The following EYS variants were observed in gnomAD, a reference collection of about 807,000 sequenced individuals.
The protein encoded by EYS is EGF-like photoreceptor maintenance factor.
EYS carries 250 observed loss-of-function variants against 282.1 expected under a neutral mutation model. The ratio of observed to expected loss-of-function variants is 0.89; its 90% CI spans 0.80 to 0.98. The LOEUF (loss-of-function observed/expected upper bound fraction) is 0.98, where lower values mean the gene tolerates loss of function less well. Among genes scored for constraint, EYS ranks in the 50% least tolerant of loss-of-function variants. EYS has a pLI of 0.00. For missense variants in EYS, 4,016 were observed against 3,709.0 expected (o/e 1.08, Z -2.15); for synonymous variants, 1,355 against 1,282.9 (o/e 1.06, Z -1.20).
intron 30 of EYS, among the ~76,000 whole-genome samples, chr6:64,290,824 A>G (rs1768677976): frequency 6.6e-6 from 1 of 151,360 alleles, no homozygotes; most frequent in Non-Finnish European, 1.5e-5. Context: ...CAAGATATTG[A>G]CAAACTTTTT....
intron 22 of EYS, among the ~76,000 whole-genome samples, chr6:64,781,430 A>C (rs796875745): frequency 7.2e-5 from 11 of 152,062 alleles, no homozygotes; most frequent in African/African-American, 2.4e-4. Flanking sequence ...AATGACACTT[A>C]TGGCCGGGCG....
chr6:63,901,248 T>C (rs891500563), intron 35 of EYS, among the ~76,000 whole-genome samples: 3 of 152,026 alleles, frequency 2.0e-5, no homozygotes, highest in African/African-American at 7.2e-5. Context: ...AAATAAAAAA[T>C]GCACCAGAGG....
chr6:64,578,564 T>G (rs551566002), intron 26 of EYS, among the ~76,000 whole-genome samples: 5 of 151,866 alleles, frequency 3.3e-5, no homozygotes, highest in Admixed American at 3.3e-4. Context: ...TACTTCTACT[T>G]TTTCTTTTAT....
chr6:64,066,527 A>C (rs991801927), intron 32 of EYS, 36 bp from the exon 33 acceptor site: 4 of 1,328,516 alleles, frequency 3.0e-6, no homozygotes, highest in Non-Finnish European at 4.2e-6. Context: ...TAATTATTGT[A>C]GATTTATATT....
At chr6:65,426,909 A>G (rs1175963455) in intron 5 of EYS, among the ~76,000 whole-genome samples, 1 of 152,136 alleles carries the variant, frequency 6.6e-6, no homozygotes, top group African/African-American at 2.4e-5. Context: ...GGCTTGATTT[A>G]AACTTTATGG....
chr6:64,744,744 G>A (rs763965963), intron 22 of EYS, among the ~76,000 whole-genome samples: 11 of 152,040 alleles, frequency 7.2e-5, no homozygotes, highest in African/African-American at 1.9e-4. Context: ...AAATATGATT[G>A]AGAAATTTTT....
intron 37 of EYS, among the ~76,000 whole-genome samples, chr6:63,793,103 G>C (rs552544635): frequency 4.3e-4 from 65 of 152,218 alleles, no homozygotes; most frequent in African/African-American, 1.5e-3. Flanking sequence ...GCTCCATTTG[G>C]GCCAGAACTT....
chr6:64,969,835 G>T lies in EYS; in HGVS notation c.2260-23921C>A, dbSNP rs890854181. 3.3e-5 allele frequency among the ~76,000 whole-genome samples: 5 copies of T among 152,146 alleles called. No homozygotes were observed. The South Asian group carries it at 8.3e-4, about 25-fold the overall frequency. On this transcript the variant is annotated intron_variant, in intron 14 of 42. Transcript: ENST00000503581. ...TCTAAACAATTGTACCAAATGTGAA[G>T]TCTCAAAGGCCTAGTAGAATTTCAC...
At chr6:65,330,751 C>T (rs1477899833) in intron 11 of EYS, 4 of 959,956 alleles carry the variant, frequency 4.2e-6, no homozygotes, top group Non-Finnish European at 5.0e-6. Flanking sequence ...ATTTCTCCAT[C>T]CCGAAATCAC....
At chr6:64,559,460 G>T (rs1765332763) in intron 26 of EYS, among the ~76,000 whole-genome samples, 1 of 151,860 alleles carries the variant, frequency 6.6e-6, no homozygotes, top group African/African-American at 2.4e-5. Flanking sequence ...AGCATTTCTT[G>T]TTGCAATGTC....
chr6:63,830,347 A>G (rs1450441088), intron 36 of EYS, among the ~76,000 whole-genome samples: 1 of 152,218 alleles, frequency 6.6e-6, no homozygotes, highest in Non-Finnish European at 1.5e-5. Context: ...ATGGCTAAGT[A>G]GAATAAACAG....
intron 33 of EYS, among the ~76,000 whole-genome samples, chr6:64,006,770 T>A (rs1485202527): frequency 1.3e-5 from 2 of 152,164 alleles, no homozygotes; most frequent in Non-Finnish European, 2.9e-5. Context: ...GTTTTTGTCT[T>A]TAGTTCTATA....
intron 22 of EYS, among the ~76,000 whole-genome samples, chr6:64,777,061 G>A (rs1773702160): frequency 6.6e-6 from 1 of 152,158 alleles, no homozygotes; most frequent in Non-Finnish European, 1.5e-5. Context: ...GAAGGGGAAA[G>A]CCCCTTTTTA....
At chr6:64,975,120 G>T (rs1313184316) in intron 14 of EYS, among the ~76,000 whole-genome samples, 1 of 151,576 alleles carries the variant, frequency 6.6e-6, no homozygotes, top group Non-Finnish European at 1.5e-5. Context: ...GATTGATTAG[G>T]TCAGGAGCTG....
intron 12 of EYS, among the ~76,000 whole-genome samples, chr6:65,154,701 A>G (rs1764692779): frequency 6.6e-6 from 1 of 151,566 alleles, no homozygotes; most frequent in Non-Finnish European, 1.5e-5. Flanking sequence ...AATTACCTCC[A>G]TTAAGCATAC....
At chr6:64,382,294 A>G (rs535561641) in intron 29 of EYS, among the ~76,000 whole-genome samples, 1 of 152,256 alleles carries the variant, frequency 6.6e-6, no homozygotes, top group African/African-American at 2.4e-5. Flanking sequence ...TCACGTATTT[A>G]AATACTATAG....
intron 34 of EYS, among the ~76,000 whole-genome samples, chr6:63,998,726 C>G (rs1767946651): frequency 6.6e-6 from 1 of 151,246 alleles, no homozygotes; most frequent in South Asian, 2.1e-4. Context: ...CTATCATATC[C>G]TATAAAAACA....
chr6:63,935,532 A>C (rs2149754163), intron 35 of EYS, among the ~76,000 whole-genome samples: 1 of 152,290 alleles, frequency 6.6e-6, no homozygotes, highest in South Asian at 2.1e-4. Flanking sequence ...CCTGTAAAAA[A>C]ATTTGAAAAG....
chr6:64,760,290 T>C (rs1040742435), intron 22 of EYS, among the ~76,000 whole-genome samples: 2 of 152,122 alleles, frequency 1.3e-5, no homozygotes, highest in African/African-American at 4.8e-5. Context: ...TTTTCAGATA[T>C]TATCTTGTAT....
Sources: allele counts gnomAD v4.1 joint callset (sites outside exome capture counted in the v4.1 genomes callset), GRCh38; gene constraint gnomAD v4.1.1; transcripts MANE v1.5; gene names NCBI Gene and HGNC (gene_info 2026-07-23, HGNC 2026-07-21).